The following KCNN2 variants were observed in gnomAD, a reference collection of about 807,000 sequenced individuals.
The protein encoded by KCNN2 is potassium calcium-activated channel subfamily N member 2, also known as small conductance calcium-activated potassium channel protein 2.
Under a neutral mutation model 55.5 loss-of-function variants are expected in KCNN2, and 24 were observed. That is an observed-to-expected ratio of 0.43 (90% CI 0.31 to 0.61). The LOEUF (loss-of-function observed/expected upper bound fraction) is 0.61, where lower values mean the gene tolerates loss of function less well. Among genes scored for constraint, KCNN2 ranks in the 20% least tolerant of loss-of-function variants. The pLI, the probability that KCNN2 is intolerant of heterozygous loss-of-function variation, is 0.08. For synonymous variants in KCNN2, 431 were observed against 336.1 expected, an observed-to-expected ratio of 1.28 and a Z score of -3.09; for missense variants, 754 against 853.6, an observed-to-expected ratio of 0.88 and a Z score of 1.45.
At position 114,079,817 on chromosome 5, in the gene KCNN2, C is replaced by A. The variant is rs79783747; in HGVS notation, c.-271+23317C>A. On this transcript the variant is annotated intron_variant, in intron 1 of 10. Coordinates refer to the KCNN2 transcript ENST00000512097. ...GAGGAAAATCAATAAACAGTAGATA[C>A]TTAATATGTGTGTGTGTGTGTGTGT... 1.0e-3 allele frequency among the ~76,000 whole-genome samples: 145 copies of A among 143,724 alleles called. 3 individuals carry two copies. Among genetic ancestry groups the A allele is most frequent in the African/African-American group, 3.9e-3 (144 of 37,136 alleles). 94.3% of individuals were successfully genotyped at this position (143,724 alleles called of 152,430 possible).
intron 2 of KCNN2, among the ~76,000 whole-genome samples, chr5:114,373,658 A>AT (rs1554084191): frequency 1.5e-4 from 16 of 104,494 alleles, no homozygotes; most frequent in East Asian, 3.8e-4. Context: ...ATATATATAT[A>AT]AAATTACTTG....
At chr5:114,180,446 G>C (rs1753217134) in intron 1 of KCNN2, among the ~76,000 whole-genome samples, 1 of 151,982 alleles carries the variant, frequency 6.6e-6, no homozygotes, top group Non-Finnish European at 1.5e-5. Context: ...CTATAAAAGT[G>C]CTGAATTTTG....
intron 2 of KCNN2, among the ~76,000 whole-genome samples, chr5:114,243,476 C>G (rs1001729905): frequency 3.5e-5 from 2 of 57,188 alleles, no homozygotes; most frequent in Non-Finnish European, 6.6e-5. Context: ...CTGAACCACC[C>G]CTTTGTCCAG....
chr5:114,313,265 A>G (rs941347017), intron 2 of KCNN2, among the ~76,000 whole-genome samples: 1 of 152,168 alleles, frequency 6.6e-6, no homozygotes, highest in Non-Finnish European at 1.5e-5. Flanking sequence ...AAGGTCTTCA[A>G]GAATCCTCAG....
intron 2 of KCNN2, among the ~76,000 whole-genome samples, chr5:114,280,484 G>C (rs1466124531): frequency 6.6e-6 from 1 of 152,144 alleles, no homozygotes; most frequent in African/African-American, 2.4e-5. Flanking sequence ...TGTATAAGGT[G>C]TAAGGAAGGG....
At chr5:114,155,445 T>C (rs1233961004) in intron 1 of KCNN2, among the ~76,000 whole-genome samples, 1 of 152,168 alleles carries the variant, frequency 6.6e-6, no homozygotes, top group Non-Finnish European at 1.5e-5. Flanking sequence ...TATTTTTAGG[T>C]CTTTGAGGAA....
chr5:114,484,326 T>C (rs903163439), intron 5 of KCNN2, among the ~76,000 whole-genome samples: 5 of 152,052 alleles, frequency 3.3e-5, no homozygotes, highest in African/African-American at 1.2e-4. Flanking sequence ...CCTCCAAAGA[T>C]GGGAGGGAGG....
At chr5:114,480,634 T>G (rs1364081072) in intron 5 of KCNN2, among the ~76,000 whole-genome samples, 2 of 152,128 alleles carry the variant, frequency 1.3e-5, no homozygotes, top group African/African-American at 4.8e-5. Context: ...ACTGGCAAAC[T>G]AAATTCAGCA....
At chr5:114,380,368 T>G (rs1357771076) in intron 2 of KCNN2, among the ~76,000 whole-genome samples, 1 of 152,230 alleles carries the variant, frequency 6.6e-6, no homozygotes, top group African/African-American at 2.4e-5. Context: ...TCTAAAATAA[T>G]GCCCTGGCTC....
intron 2 of KCNN2, among the ~76,000 whole-genome samples, chr5:114,247,446 T>C (rs1754770029): frequency 6.6e-6 from 1 of 152,190 alleles, no homozygotes; most frequent in Admixed American, 6.5e-5. Flanking sequence ...CTTGTTTCAT[T>C]ACTGGCAAGT....
intron 2 of KCNN2, among the ~76,000 whole-genome samples, chr5:114,375,072 T>C (rs1446095454): frequency 6.6e-6 from 1 of 152,180 alleles, no homozygotes; most frequent in African/African-American, 2.4e-5. Flanking sequence ...AGTATGCTTA[T>C]CATGCTTTTC....
chr5:114,379,958 T>G (rs1758065877), intron 2 of KCNN2, among the ~76,000 whole-genome samples: 1 of 150,128 alleles, frequency 6.7e-6, no homozygotes, highest in African/African-American at 2.4e-5. Context: ...TAAAAATATA[T>G]AAGTATAGAA....
intron 1 of KCNN2, among the ~76,000 whole-genome samples, chr5:114,145,158 TTAAATCTACG>T (rs1288268725): frequency 1.3e-5 from 2 of 152,124 alleles, no homozygotes; most frequent in Non-Finnish European, 2.9e-5. Context: ...AAAAAAGGAG[TTAAATCTACG>T]ATATAATAGG....
At chr5:114,470,662 C>T (rs1431200057) in intron 4 of KCNN2, among the ~76,000 whole-genome samples, 1 of 152,168 alleles carries the variant, frequency 6.6e-6, no homozygotes, top group Non-Finnish European at 1.5e-5. Context: ...CTGCATATGG[C>T]ACAAAATATC....
At chr5:114,144,180 G>C (rs551557983) in intron 1 of KCNN2, among the ~76,000 whole-genome samples, 3 of 152,126 alleles carry the variant, frequency 2.0e-5, no homozygotes, top group Non-Finnish European at 4.4e-5. Context: ...ATTGTGAACA[G>C]ACTCATTATG....
intron 1 of KCNN2, among the ~76,000 whole-genome samples, chr5:114,067,020 A>G (rs539687107): frequency 6.6e-6 from 1 of 152,314 alleles, no homozygotes; most frequent in African/African-American, 2.4e-5. Context: ...CATTCAAACA[A>G]CTTCAGCTGC....
chr5:114,323,451 G>T (rs1346977591), intron 2 of KCNN2, among the ~76,000 whole-genome samples: 1 of 151,906 alleles, frequency 6.6e-6, no homozygotes, highest in Non-Finnish European at 1.5e-5. Context: ...AGCCACTTAA[G>T]CTCTTAAATC....
At chr5:114,105,585 T>G (rs1333319224) in intron 1 of KCNN2, among the ~76,000 whole-genome samples, 1 of 152,106 alleles carries the variant, frequency 6.6e-6, no homozygotes, top group Non-Finnish European at 1.5e-5. Flanking sequence ...CAATACTGCA[T>G]TCATGTAATC....
chr5:114,204,159 G>C (rs931680060), intron 1 of KCNN2, among the ~76,000 whole-genome samples: 1 of 151,868 alleles, frequency 6.6e-6, no homozygotes, highest in African/African-American at 2.4e-5. Context: ...AAAAATAAAA[G>C]TGGTAAGGAA....
Sources: gnomAD v4.1 joint callset for allele counts (sites outside exome capture counted in the v4.1 genomes callset) on GRCh38, gnomAD v4.1.1 for gene constraint, MANE v1.5 for transcripts, NCBI Gene and HGNC (gene_info 2026-07-23, HGNC 2026-07-21) for gene names.